The following BTBD9 variants were observed in gnomAD, a reference collection of about 807,000 sequenced individuals.
BTBD9 encodes the protein BTB/POZ domain-containing protein 9.
BTBD9 carries 49 observed loss-of-function variants against 64.3 expected under a neutral mutation model. The ratio of observed to expected loss-of-function variants is 0.76; its 90% confidence interval spans 0.61 to 0.97. The LOEUF is 0.97. Ranked by LOEUF, BTBD9 falls within the 50% of genes least tolerant of loss-of-function variation. The pLI, the probability that BTBD9 is intolerant of heterozygous loss-of-function variation, is 0.00. For synonymous variants in BTBD9, 260 were observed against 274.7 expected (o/e 0.95, Z 0.53); for missense variants, 598 against 762.1 (o/e 0.78, Z 2.53).
At chr6:38,584,644 T>C (rs1776434314) in intron 4 of BTBD9, among the ~76,000 whole-genome samples, 1 of 152,172 alleles carries the variant, frequency 6.6e-6, no homozygotes, top group Non-Finnish European at 1.5e-5. Flanking sequence ...GATCCAGACT[T>C]AGTTCTCTTC....
chr6:38,371,713 C>A (rs1765436539), intron 6 of BTBD9, among the ~76,000 whole-genome samples: 1 of 152,192 alleles, frequency 6.6e-6, no homozygotes, highest in Non-Finnish European at 1.5e-5. Context: ...CACACCAGCA[C>A]ATTGAAAATA....
chr6:38,387,274 C>T (rs898537972), intron 6 of BTBD9, among the ~76,000 whole-genome samples: 3 of 152,172 alleles, frequency 2.0e-5, no homozygotes, highest in African/African-American at 7.2e-5. Context: ...CAGTGGCTCA[C>T]GCCTGTAATC....
At chr6:38,519,019 T>G (rs1014934102) in intron 6 of BTBD9, among the ~76,000 whole-genome samples, 1 of 152,232 alleles carries the variant, frequency 6.6e-6, no homozygotes, top group Non-Finnish European at 1.5e-5. Flanking sequence ...CTAAAAGAGA[T>G]AAAACCAATA....
At chr6:38,540,634 T>C (rs1774229346) in intron 6 of BTBD9, among the ~76,000 whole-genome samples, 1 of 152,190 alleles carries the variant, frequency 6.6e-6, no homozygotes, top group Admixed American at 6.5e-5. Context: ...CTTTTTTAAG[T>C]ACTAAACAAA....
intron 6 of BTBD9, among the ~76,000 whole-genome samples, chr6:38,518,338 T>C (rs1418460542): frequency 3.9e-5 from 6 of 152,234 alleles, no homozygotes; most frequent in African/African-American, 1.2e-4. Flanking sequence ...TTTACAGGCA[T>C]AGATCTTGAA....
At chr6:38,326,853 T>A (rs1300497754) in intron 7 of BTBD9, among the ~76,000 whole-genome samples, 2 of 152,176 alleles carry the variant, frequency 1.3e-5, no homozygotes, top group Non-Finnish European at 2.9e-5. Flanking sequence ...CTGACAGTTC[T>A]GAATTGAGAA....
At chr6:38,591,196 G>A (rs1052484174) in intron 4 of BTBD9, among the ~76,000 whole-genome samples, 6 of 152,138 alleles carry the variant, frequency 3.9e-5, no homozygotes, top group African/African-American at 1.4e-4. Flanking sequence ...GGCCTAAGCT[G>A]ACCTTCACAT....
chr6:38,542,543 A>G (rs570749061), intron 6 of BTBD9, among the ~76,000 whole-genome samples: 159 of 152,308 alleles, frequency 1.0e-3, no homozygotes, highest in South Asian at 1.7e-3. Flanking sequence ...GCCACCCATG[A>G]GATCCTATCT....
chr6:38,635,552 T>A (rs1042214170), intron 1 of BTBD9, among the ~76,000 whole-genome samples: 1 of 152,206 alleles, frequency 6.6e-6, no homozygotes, highest in Non-Finnish European at 1.5e-5. Flanking sequence ...TGGTGGGATC[T>A]TTAGTGATTA....
At chr6:38,451,537 A>G (rs1769545644) in intron 6 of BTBD9, among the ~76,000 whole-genome samples, 1 of 152,144 alleles carries the variant, frequency 6.6e-6, no homozygotes, top group Non-Finnish European at 1.5e-5. Flanking sequence ...CCTTAAATAC[A>G]TATCTTAATA....
At chr6:38,196,609 T>G (rs1767549897) in intron 9 of BTBD9, among the ~76,000 whole-genome samples, 1 of 152,234 alleles carries the variant, frequency 6.6e-6, no homozygotes, top group African/African-American at 2.4e-5. Context: ...TACATTCTTG[T>G]GCATGGCACC....
intron 7 of BTBD9, among the ~76,000 whole-genome samples, chr6:38,308,187 T>C (rs1762696107): frequency 6.6e-6 from 1 of 152,222 alleles, no homozygotes; most frequent in Non-Finnish European, 1.5e-5. Flanking sequence ...CACTGCAGTA[T>C]ATCAAAGAGG....
chr6:38,202,077 T>G (rs544969641), intron 9 of BTBD9, among the ~76,000 whole-genome samples: 57 of 137,804 alleles, frequency 4.1e-4, no homozygotes, highest in African/African-American at 1.5e-3. Flanking sequence ...AAAAATGTCG[T>G]TTTTTTTGTT....
At chr6:38,430,809 T>C (rs1207067109) in intron 6 of BTBD9, among the ~76,000 whole-genome samples, 2 of 151,890 alleles carry the variant, frequency 1.3e-5, no homozygotes, top group African/African-American at 4.9e-5. Context: ...GCTACTCCAA[T>C]AGGATTTTCA....
intron 9 of BTBD9, among the ~76,000 whole-genome samples, chr6:38,195,726 AT>A (rs1300654449): frequency 2.0e-5 from 3 of 152,076 alleles, no homozygotes; most frequent in African/African-American, 7.2e-5. Flanking sequence ...ATTTTTAATT[AT>A]TTTTTATTTA....
intron 6 of BTBD9, among the ~76,000 whole-genome samples, chr6:38,346,094 A>AT (rs1370415820): frequency 6.6e-6 from 1 of 152,192 alleles, no homozygotes. Flanking sequence ...AAATGAACAG[A>AT]TTTCAATTAG....
intron 8 of BTBD9, among the ~76,000 whole-genome samples, chr6:38,257,185 G>A (rs995823301): frequency 6.7e-6 from 1 of 149,682 alleles, no homozygotes; most frequent in Non-Finnish European, 1.5e-5. Context: ...TTATAGGTGC[G>A]AGCCACCGTG....
At chr6:38,345,723 C>T (rs2127590268) in intron 6 of BTBD9, among the ~76,000 whole-genome samples, 1 of 152,350 alleles carries the variant, frequency 6.6e-6, no homozygotes, top group Middle Eastern at 3.4e-3. Flanking sequence ...GTAGAGATGG[C>T]CCAGCCTGCT....
chr6:38,559,916 CA>C (rs1340496116), intron 6 of BTBD9, among the ~76,000 whole-genome samples: 1 of 152,090 alleles, frequency 6.6e-6, no homozygotes. Flanking sequence ...TCATTATACA[CA>C]AAAATTAACT....
Sources: allele counts gnomAD v4.1 joint callset (sites outside exome capture counted in the v4.1 genomes callset), GRCh38; gene constraint gnomAD v4.1.1; transcripts MANE v1.5; gene names NCBI Gene and HGNC (gene_info 2026-07-23, HGNC 2026-07-21).